The following TTC29 variants were observed in gnomAD, a reference collection of about 807,000 sequenced individuals.
TTC29 encodes tetratricopeptide repeat protein 29.
TTC29 carries 49 observed loss-of-function variants against 58.1 expected under a neutral mutation model. The observed-to-expected ratio is 0.84, with a 90% CI of 0.67 to 1.07. The LOEUF is 1.07. Ranked by LOEUF, TTC29 falls within the 50% of genes least tolerant of loss-of-function variation. TTC29 has a pLI of 0.00. For synonymous variants in TTC29, 209 were observed against 196.8 expected (o/e 1.06, Z -0.52); for missense variants, 582 against 555.6 (o/e 1.05, Z -0.48).
At chr4:146,921,481 C>T (rs1200926662) in intron 4 of TTC29, among the ~76,000 whole-genome samples, 1 of 150,578 alleles carries the variant, frequency 6.6e-6, no homozygotes, top group Non-Finnish European at 1.5e-5. Flanking sequence ...TTTGTATTAC[C>T]ATATAATAAT....
intron 4 of TTC29, among the ~76,000 whole-genome samples, chr4:146,927,194 AT>A (rs1225715158): frequency 6.6e-6 from 1 of 152,198 alleles, no homozygotes; most frequent in Non-Finnish European, 1.5e-5. Context: ...AAATGTTCCA[AT>A]CAGTTTATAA....
intron 8 of TTC29, among the ~76,000 whole-genome samples, chr4:146,852,984 T>G (rs1729606586): frequency 6.6e-6 from 1 of 152,174 alleles, no homozygotes; most frequent in South Asian, 2.1e-4. Context: ...TTCTTTAATG[T>G]TGTGGGTTGA....
chr4:146,795,848 G>T (rs1029993462), intron 11 of TTC29, among the ~76,000 whole-genome samples: 21 of 152,142 alleles, frequency 1.4e-4, no homozygotes, highest in African/African-American at 5.1e-4. Context: ...TTCTAGCAAT[G>T]GTAGAAAGCA....
intron 8 of TTC29, among the ~76,000 whole-genome samples, chr4:146,837,605 A>C (rs1728596752): frequency 6.6e-6 from 1 of 152,088 alleles, no homozygotes; most frequent in African/African-American, 2.4e-5. Context: ...ATCAACTTGA[A>C]TCACTAGACA....
At chr4:146,802,008 A>AAAAAAAAG (rs1561138307) in intron 11 of TTC29, among the ~76,000 whole-genome samples, 1 of 143,272 alleles carries the variant, frequency 7.0e-6, no homozygotes, top group Admixed American at 7.0e-5. Context: ...AAAAAAAAAA[A>AAAAAAAAG]AGAGACTTTT....
In TTC29 at chr4:146,945,736, T is replaced by G. The variant is rs1441160859; in HGVS notation, c.-81A>C. On this transcript the variant is annotated 5_prime_UTR_variant, in exon 1 of 13. Transcript: ENST00000325106. Reference sequence around the variant, plus strand: ...CGGTGCACTGGCCCAGGGAAACAACTCCAGTTTTCCGTTCCGCCGAAGTCA... The same window carrying G: ...CGGTGCACTGGCCCAGGGAAACAACGCCAGTTTTCCGTTCCGCCGAAGTCA... The G allele has an allele frequency of 6.6e-6, 1 of 152,304 alleles. No individual in the cohort carries two copies. Among genetic ancestry groups the G allele is most frequent in the Non-Finnish European group, 1.5e-5 (1 of 68,188 alleles). 9.4% of individuals were successfully genotyped at this position (152,304 alleles called of 1,614,324 possible).
chr4:146,937,994 A>T (rs748834070), intron 3 of TTC29, among the ~76,000 whole-genome samples: 5 of 152,136 alleles, frequency 3.3e-5, no homozygotes, highest in Non-Finnish European at 7.4e-5. Context: ...TTCGTGGTGT[A>T]ACTTTCCAAC....
chr4:146,794,985 G>T (rs1749740015), intron 11 of TTC29, among the ~76,000 whole-genome samples: 1 of 152,054 alleles, frequency 6.6e-6, no homozygotes, highest in African/African-American at 2.4e-5. Flanking sequence ...ATCCCTCAAA[G>T]AAATAGCACT....
chr4:146,850,189 A>G (rs567473489), intron 8 of TTC29, among the ~76,000 whole-genome samples: 2 of 152,222 alleles, frequency 1.3e-5, no homozygotes, highest in East Asian at 1.9e-4. Flanking sequence ...TATGTTCTTA[A>G]GACTACATGT....
intron 8 of TTC29, among the ~76,000 whole-genome samples, chr4:146,866,003 A>T (rs2150207245): frequency 6.6e-6 from 1 of 152,324 alleles, no homozygotes; most frequent in African/African-American, 2.4e-5. Flanking sequence ...AAAATGCAAC[A>T]ATTTTCTAAA....
At chr4:146,708,544 G>A (rs1742233881) in intron 11 of TTC29, among the ~76,000 whole-genome samples, 1 of 150,584 alleles carries the variant, frequency 6.6e-6, no homozygotes, top group Non-Finnish European at 1.5e-5. Context: ...TACATAGAGA[G>A]AGCCATGTTA....
chr4:146,733,174 A>C (rs568033398), intron 11 of TTC29, among the ~76,000 whole-genome samples: 1 of 152,118 alleles, frequency 6.6e-6, no homozygotes, highest in African/African-American at 2.4e-5. Flanking sequence ...GGGAGACAGA[A>C]TTTTTTCTTT....
chr4:146,922,921 A>C (rs1359717053), intron 4 of TTC29, among the ~76,000 whole-genome samples: 1 of 151,840 alleles, frequency 6.6e-6, no homozygotes, highest in Non-Finnish European at 1.5e-5. Context: ...GATTTAGAAG[A>C]CCAGTTACAA....
Position 146,722,329 on chromosome 4 carries a change from T to C in TTC29, c.1331-14778A>G, listed in dbSNP as rs183556890. Among the ~76,000 whole-genome samples, 538 of 152,154 alleles carry C rather than the reference T, an allele frequency of 3.5e-3. 2 individuals carry two copies. Among genetic ancestry groups the C allele is most frequent in the African/African-American group, 0.013 (523 of 41,526 alleles). On this transcript the variant is annotated intron_variant, in intron 11 of 12. Transcript: ENST00000325106. ...GGATAAAAAACAATTCTAAAAATCA[T>C]ACAGAACCAAAAAAGAGCCCAAATA...
chr4:146,939,729 G>C lies in TTC29; in HGVS notation c.92+75C>G, dbSNP rs1736182723. ...TTCTCTTGAAATGATTTTATTTTCTGAGATACATTATTGACATTTCTTATT... is the reference window on the plus strand; with the variant it reads ...TTCTCTTGAAATGATTTTATTTTCTCAGATACATTATTGACATTTCTTATT... On this transcript the variant is annotated intron_variant, in intron 3 of 12. Coordinates refer to ENST00000325106, the MANE Select transcript of TTC29 (RefSeq NM_031956.4). The C allele has an allele frequency of 2.4e-6, 3 of 1,274,850 alleles. No homozygotes were observed. In the South Asian group the frequency reaches 4.2e-5, roughly 18 times the overall value. 79.0% of individuals were successfully genotyped at this position (1,274,850 alleles called of 1,614,324 possible).
chr4:146,788,651 G>A (rs1404122662), intron 11 of TTC29, among the ~76,000 whole-genome samples: 3 of 151,718 alleles, frequency 2.0e-5, no homozygotes, highest in Non-Finnish European at 4.4e-5. Context: ...AGAATGACAT[G>A]CTGAGAAAAT....
At chr4:146,709,254 A>C (rs537349828) in intron 11 of TTC29, among the ~76,000 whole-genome samples, 53 of 152,238 alleles carry the variant, frequency 3.5e-4, no homozygotes, top group African/African-American at 1.1e-3. Flanking sequence ...TGTCATTATC[A>C]GTAACTATGA....
intron 9 of TTC29, among the ~76,000 whole-genome samples, chr4:146,833,330 A>C (rs948468481): frequency 5.9e-5 from 9 of 152,228 alleles, no homozygotes; most frequent in African/African-American, 2.2e-4. Context: ...GTTTTAAATG[A>C]AATATTGGGA....
intron 4 of TTC29, among the ~76,000 whole-genome samples, chr4:146,914,117 A>G (rs1237835770): frequency 1.3e-5 from 2 of 152,120 alleles, no homozygotes; most frequent in African/African-American, 2.4e-5. Context: ...TCCTATCTAA[A>G]CCTTCATAGT....
Sources: allele counts gnomAD v4.1 joint callset (sites outside exome capture counted in the v4.1 genomes callset), GRCh38; gene constraint gnomAD v4.1.1; transcripts MANE v1.5; gene names NCBI Gene and HGNC (gene_info 2026-07-23, HGNC 2026-07-21).